HUWE1: variants seen among roughly 807,000 people sequenced by gnomAD.
The protein encoded by HUWE1 is HECT, UBA and WWE domain containing E3 ubiquitin protein ligase 1, also known as E3 ubiquitin-protein ligase HUWE1.
Under a neutral mutation model 299.4 loss-of-function variants are expected in HUWE1, and 18 were observed. The ratio of observed to expected loss-of-function variants is 0.06; its 90% CI spans 0.04 to 0.09. HUWE1 has a LOEUF of 0.09. Among genes scored for constraint, HUWE1 ranks in the 10% least tolerant of loss-of-function variants. HUWE1 has a pLI of 1.00. For missense variants in HUWE1, 1,832 were observed against 3,462.3 expected (o/e 0.53, Z 11.82); for synonymous variants, 1,317 against 1,286.1 (o/e 1.02, Z -0.51).
chrX:53,546,602 A>G lies in HUWE1; in HGVS notation c.10759-10T>C, dbSNP rs1556923067. 3 of 1,209,336 alleles carry G rather than the reference A, an allele frequency of 2.5e-6. No individual in the cohort carries two copies. Among genetic ancestry groups the G allele is most frequent in the Non-Finnish European group, 3.4e-6 (3 of 894,112 alleles). On this transcript the variant is annotated splice_polypyrimidine_tract_variant and intron_variant, in intron 69 of 83. Transcript: ENST00000262854. ...AGTGGGATGTCAACACCTGAGAAAA[A>G]GAAGACAGAAGGAGTAAGCCCCAGC...
intron 7 of HUWE1, among the ~76,000 whole-genome samples, chrX:53,634,948 C>T (rs1186189926): frequency 8.9e-6 from 1 of 112,104 alleles, no homozygotes; most frequent in Non-Finnish European, 1.9e-5. Flanking sequence ...TGCATCTTAA[C>T]AGCCTTTAAA....
intron 60 of HUWE1, among the ~76,000 whole-genome samples, chrX:53,555,192 G>T (rs1040435825): frequency 8.9e-6 from 1 of 111,824 alleles, no homozygotes; most frequent in Non-Finnish European, 1.9e-5. Context: ...GGTGGAAGGG[G>T]GAAGATTTCA....
chrX:53,547,620 A>G, intron 68 of HUWE1, 53 bp downstream of exon 68: 1 of 1,196,840 alleles, frequency 8.4e-7, no homozygotes, highest in Non-Finnish European at 1.1e-6. Context: ...AAAGGGGGTG[A>G]AGTGGGTGCC....
At chrX:53,598,474 C>A (rs1556987046) in intron 29 of HUWE1, among the ~76,000 whole-genome samples, 1 of 111,302 alleles carries the variant, frequency 9.0e-6, no homozygotes, top group African/African-American at 3.3e-5. Context: ...AACATCCCCC[C>A]ACTTCCTTCC....
chrX:53,577,474 A>AAAAAAAAAC (rs1556960004), intron 43 of HUWE1, among the ~76,000 whole-genome samples: 9 of 93,149 alleles, frequency 9.7e-5, no homozygotes, highest in African/African-American at 3.4e-4. Context: ...AAAAAAAAAA[A>AAAAAAAAAC]AACTCCCTCT....
At chrX:53,607,380 C>T (rs1024333754) in intron 25 of HUWE1, 143 bp downstream of exon 25, 26 of 513,379 alleles carry the variant, frequency 5.1e-5, no homozygotes, top group Non-Finnish European at 7.4e-5. Flanking sequence ...ATATATTAGT[C>T]ACAAAATTCA....
chrX:53,600,179 G>T lies in HUWE1; in HGVS notation c.3102C>A (p.Gly1034=). 2 of 1,211,024 alleles carry T rather than the reference G, an allele frequency of 1.7e-6. No individual in the cohort carries two copies. The highest frequency in any genetic ancestry group is 2.2e-6 in the Non-Finnish European group (2 of 894,836). ...TDEPTASDSK[G]KSKITPAMAA... is the part of the protein sequence containing the mutation. ...CCATTGCTGGTGTGATTTTAGATTT[G>T]CCCTTAGAGTCTGAAGCAGTAGGTT... The change falls in exon 29 of 84, where the codon GGC becomes GGA. Residue 1034 remains glycine, a synonymous_variant. Transcript: ENST00000262854.
chrX:53,571,796 T>G (rs2062842265), intron 47 of HUWE1, among the ~76,000 whole-genome samples: 1 of 111,174 alleles, frequency 9.0e-6, no homozygotes, highest in Non-Finnish European at 1.9e-5. Flanking sequence ...ACAAACCCAT[T>G]AAAATCAGTA....
rs782508266 is a variant in HUWE1, at chrX:53,631,968, T to C, written c.646-354A>G. ...AAATATTTTCTCTCTGAATATGTAT[T>C]AGAGTTGCTTTCAAGGCAATTAAGC... On this transcript the variant is annotated intron_variant, in intron 9 of 83. Transcript: ENST00000262854. The C allele has an allele frequency of 4.9e-5, 16 of 327,214 alleles. No homozygotes were observed. The East Asian group carries it at 9.9e-4, about 20-fold the overall frequency. The allele number at this position is 327,214 out of a possible 1,213,427, so 27.0% of individuals were successfully genotyped here. A position where few individuals can be genotyped will look rare whatever the true frequency, so the allele number is the denominator to read the frequency against.
At chrX:53,639,850 T>C (rs782374034) in intron 7 of HUWE1, among the ~76,000 whole-genome samples, 1 of 112,458 alleles carries the variant, frequency 8.9e-6, no homozygotes, top group Non-Finnish European at 1.9e-5. Flanking sequence ...CAGGTTTTAT[T>C]TATGACTTCC....
At chrX:53,647,247 A>G (rs782099567) in intron 6 of HUWE1, 121 bp downstream of exon 6, 1 of 545,585 alleles carries the variant, frequency 1.8e-6, no homozygotes, top group South Asian at 2.5e-5. Context: ...TATCTTTGAC[A>G]ATGAAAAACC....
intron 54 of HUWE1, 40 bp downstream of exon 54, chrX:53,562,071 A>G: frequency 8.3e-7 from 1 of 1,211,232 alleles, no homozygotes; most frequent in Non-Finnish European, 1.1e-6. Flanking sequence ...TTCCCATGGA[A>G]GAGGTCATCT....
rs781847276 is a variant in HUWE1 at position 53,538,317 on chromosome X, C to G, written c.11996+20G>C. On this transcript the variant is annotated intron_variant, in intron 77 of 83. Transcript: ENST00000262854. ...GGAGTTCTCACCACCCCTCTACCCC[C>G]CAATATCCAGGACACATACTTGCGC... 9.1e-7 allele frequency: 1 copy of G among 1,098,352 alleles called. No homozygotes were observed. Among genetic ancestry groups the G allele is most frequent in the Non-Finnish European group, 1.3e-6 (1 of 792,320 alleles). 90.5% of individuals were successfully genotyped at this position (1,098,352 alleles called of 1,213,427 possible).
chrX:53,583,409 A>G (rs2063720610), intron 42 of HUWE1, 149 bp downstream of exon 42: 1 of 481,160 alleles, frequency 2.1e-6, no homozygotes, highest in Non-Finnish European at 3.7e-6. Context: ...TCCCAAGCAT[A>G]GAGTTGGAAA....
At chrX:53,670,624 G>A (rs1350141476) in intron 3 of HUWE1, among the ~76,000 whole-genome samples, 1 of 111,319 alleles carries the variant, frequency 9.0e-6, no homozygotes, top group Non-Finnish European at 1.9e-5. Flanking sequence ...AATTCTCTAC[G>A]TAAAAGGATA....
At chrX:53,600,067 A>C (rs782152155) in intron 29 of HUWE1, 51 bp downstream of exon 29, 1 of 1,085,329 alleles carries the variant, frequency 9.2e-7, no homozygotes, top group Admixed American at 2.2e-5. Context: ...ATCTGTTTCA[A>C]GACTAAGGGA....
intron 7 of HUWE1, among the ~76,000 whole-genome samples, chrX:53,638,037 T>TA (rs1226988906): frequency 9.0e-6 from 1 of 111,447 alleles, no homozygotes; most frequent in African/African-American, 3.3e-5. Context: ...TGTTTTTATT[T>TA]AAAAAAACGA....
chrX:53,594,690 T>C (rs2064355901), intron 30 of HUWE1, 69 bp from the exon 31 acceptor site: 1 of 1,105,413 alleles, frequency 9.0e-7, no homozygotes, highest in Non-Finnish European at 1.2e-6. Flanking sequence ...AGGAAATTCA[T>C]GTAAAAGGCA....
chrX:53,599,105 A>C (rs1420617387), intron 29 of HUWE1, among the ~76,000 whole-genome samples: 1 of 112,312 alleles, frequency 8.9e-6, no homozygotes, highest in African/African-American at 3.2e-5. Flanking sequence ...CAAAGACAAG[A>C]GGATGGCAAA....
Sources: gnomAD v4.1 joint callset for allele counts (sites outside exome capture counted in the v4.1 genomes callset) on GRCh38, gnomAD v4.1.1 for gene constraint, MANE v1.5 for transcripts, NCBI Gene and HGNC (gene_info 2026-07-23, HGNC 2026-07-21) for gene names.